UNC13B: variants seen among roughly 807,000 people sequenced by gnomAD.
UNC13B encodes the protein unc-13 homolog B.
Under a neutral mutation model 211.0 loss-of-function variants are expected in UNC13B, and 144 were observed. The ratio of observed to expected loss-of-function variants is 0.68; its 90% CI spans 0.60 to 0.78. UNC13B has a LOEUF of 0.78. UNC13B is among the 30% of genes least tolerant of loss of function. The probability of loss-of-function intolerance (pLI) is 0.00; values close to 1 mark genes in which losing one functional copy is unlikely to be tolerated. For synonymous variants in UNC13B, 709 were observed against 725.8 expected (o/e 0.98, Z 0.37); for missense variants, 1,777 against 2,002.0 (o/e 0.89, Z 2.14).
chr9:35,278,954 A>C (rs1399241726), intron 7 of UNC13B, among the ~76,000 whole-genome samples: 1 of 152,152 alleles, frequency 6.6e-6, no homozygotes, highest in East Asian at 1.9e-4. Flanking sequence ...GTATGCTATG[A>C]ACTGTGTTTA....
intron 1 of UNC13B, among the ~76,000 whole-genome samples, chr9:35,164,580 A>G (rs997346896): frequency 1.3e-5 from 2 of 152,120 alleles, no homozygotes; most frequent in African/African-American, 4.8e-5. Flanking sequence ...ATCATGCCTT[A>G]TTGCCTGCAG....
intron 1 of UNC13B, among the ~76,000 whole-genome samples, chr9:35,179,353 AAAAT>A (rs1353631005): frequency 6.6e-6 from 1 of 152,168 alleles, no homozygotes; most frequent in Non-Finnish European, 1.5e-5. Context: ...ATTTTCATAA[AAAAT>A]AAAAGGAGTT....
Position 35,385,625 on chromosome 9 carries a change from G to A in UNC13B, c.10876-99G>A, listed in dbSNP as rs550550956. 5.4e-5 allele frequency: 79 copies of A among 1,461,622 alleles called. 1 individual carries two copies. In the South Asian group the frequency reaches 1.1e-3, roughly 20 times the overall value. 90.5% of individuals were successfully genotyped at this position (1,461,622 alleles called of 1,614,324 possible). A position where few individuals can be genotyped will look rare whatever the true frequency, so the allele number is the denominator to read the frequency against. On this transcript the variant is annotated intron_variant, in intron 22 of 39. Transcript: ENST00000635942. Reference sequence around the variant, plus strand: ...GCCAGCTCAACTAGAGAAAAACCCAGTAGGTAACAATTAGGGAAGCTTTTG... The same window carrying A: ...GCCAGCTCAACTAGAGAAAAACCCAATAGGTAACAATTAGGGAAGCTTTTG...
chr9:35,271,385 C>T (rs1827871150), intron 7 of UNC13B, among the ~76,000 whole-genome samples: 1 of 152,148 alleles, frequency 6.6e-6, no homozygotes, highest in South Asian at 2.1e-4. Context: ...GCTTGAGCCT[C>T]AGTACATCAT....
chr9:35,328,844 T>G (rs1831201443), intron 11 of UNC13B, among the ~76,000 whole-genome samples: 2 of 151,812 alleles, frequency 1.3e-5, no homozygotes, highest in Non-Finnish European at 1.5e-5. Context: ...CTCTGCTCAC[T>G]GCAAGCTCCG....
chr9:35,242,696 C>T (rs1384382347), intron 5 of UNC13B, among the ~76,000 whole-genome samples: 2 of 152,146 alleles, frequency 1.3e-5, no homozygotes, highest in Non-Finnish European at 2.9e-5. Flanking sequence ...CATTAGTGGA[C>T]ACTTGGGTTG....
In UNC13B at chr9:35,221,022, C is replaced by G. The variant is rs376057657; in HGVS notation, c.23-6993C>G. Among the ~76,000 whole-genome samples, 186 of 152,160 alleles carry G rather than the reference C, an allele frequency of 1.2e-3. 10 individuals are homozygous for G. The South Asian group carries it at 0.037, about 31-fold the overall frequency. ...GCTGATGATCATTGATGTTTAACAC[C>G]TTTTCATGTACTTGTTTGCCATTTG... is the stretch of plus-strand genomic sequence containing the variant. On this transcript the variant is annotated intron_variant, in intron 1 of 39. Coordinates refer to ENST00000635942, the MANE Select transcript of UNC13B (RefSeq NM_001371189.2).
intron 11 of UNC13B, among the ~76,000 whole-genome samples, chr9:35,363,072 G>A (rs1319899130): frequency 2.6e-5 from 4 of 152,148 alleles, no homozygotes; most frequent in African/African-American, 9.7e-5. Flanking sequence ...ATAAAAATTT[G>A]GGGTTTTGAG....
At chr9:35,259,934 A>G (rs1827165697) in intron 7 of UNC13B, among the ~76,000 whole-genome samples, 1 of 146,092 alleles carries the variant, frequency 6.8e-6, no homozygotes, top group South Asian at 2.2e-4. Flanking sequence ...TAAGAACTGT[A>G]GGCTGGGCAT....
chr9:35,205,761 T>C (rs966435311), intron 1 of UNC13B, among the ~76,000 whole-genome samples: 1 of 152,250 alleles, frequency 6.6e-6, no homozygotes, highest in Non-Finnish European at 1.5e-5. Flanking sequence ...AATATTCCAT[T>C]ATATGGGTAT....
chr9:35,176,243 A>C (rs1056131449), intron 1 of UNC13B, among the ~76,000 whole-genome samples: 24 of 151,932 alleles, frequency 1.6e-4, no homozygotes, highest in Admixed American at 7.2e-4. Flanking sequence ...GGGTTCATTC[A>C]TTTATTCTTT....
intron 10 of UNC13B, among the ~76,000 whole-genome samples, chr9:35,313,013 T>A (rs1329176989): frequency 6.6e-6 from 1 of 152,162 alleles, no homozygotes; most frequent in Non-Finnish European, 1.5e-5. Context: ...AGGAACAAAA[T>A]TCTGCCCTAA....
chr9:35,371,329 TTCTC>T (rs1363904409), intron 13 of UNC13B, among the ~76,000 whole-genome samples: 5 of 151,376 alleles, frequency 3.3e-5, no homozygotes, highest in Non-Finnish European at 5.9e-5. Flanking sequence ...ATCTTCTCCT[TTCTC>T]TCTCTTTCTT....
intron 36 of UNC13B, 46 bp downstream of exon 36, chr9:35,399,775 T>C: frequency 6.3e-7 from 1 of 1,596,170 alleles, no homozygotes; most frequent in Non-Finnish European, 8.6e-7. Context: ...CCACACTCAC[T>C]TGGCCCTGGC....
chr9:35,243,359 A>G lies in UNC13B; in HGVS notation c.463A>G (p.Asn155Asp). The change falls in exon 6 of 40, where the codon AAT becomes GAT. Residue 155 changes from asparagine to aspartate, a missense_variant. By Grantham distance (23) the Asn-to-Asp change is conservative (BLOSUM62 1). Transcript: ENST00000635942. ...WEQINALGAD[N>D]EYSSQEESQR... ...GCAAATCAATGCCTTGGGAGCTGAC[A>G]ATGAGGTAGGAGCAGCCTTATTTGC... 1.2e-6 allele frequency: 2 copies of G among 1,613,448 alleles called. No homozygotes were observed. Among genetic ancestry groups the G allele is most frequent in the Middle Eastern group, 1.7e-4 (1 of 6,058 alleles).
At chr9:35,393,193 G>A (rs1395780871) in intron 26 of UNC13B, among the ~76,000 whole-genome samples, 1 of 152,164 alleles carries the variant, frequency 6.6e-6, no homozygotes, top group East Asian at 1.9e-4. Context: ...ACAACACAAA[G>A]TTATAATGCC....
intron 39 of UNC13B, 59 bp from the exon 40 acceptor site, chr9:35,403,687 CTG>C (rs1176397692): frequency 6.2e-7 from 1 of 1,602,822 alleles, no homozygotes; most frequent in African/African-American, 1.3e-5. Flanking sequence ...GGATGGCAGA[CTG>C]GGGTGAAATC....
intron 11 of UNC13B, among the ~76,000 whole-genome samples, chr9:35,314,794 A>G (rs1431642712): frequency 8.0e-6 from 1 of 125,374 alleles, no homozygotes; most frequent in Non-Finnish European, 1.7e-5. Flanking sequence ...GCAGTATCCC[A>G]TGGTGTGTAT....
At chr9:35,358,211 C>T (rs139996312) in intron 11 of UNC13B, among the ~76,000 whole-genome samples, 116 of 152,352 alleles carry the variant, frequency 7.6e-4, no homozygotes, top group African/African-American at 2.7e-3. Context: ...GTTCACTCAT[C>T]AGGACACACA....
Sources: allele counts gnomAD v4.1 joint callset (sites outside exome capture counted in the v4.1 genomes callset), GRCh38; gene constraint gnomAD v4.1.1; transcripts MANE v1.5; gene names NCBI Gene and HGNC (gene_info 2026-07-23, HGNC 2026-07-21).